The following CNTN5 variants were observed in gnomAD, a reference collection of about 807,000 sequenced individuals.
CNTN5 encodes contactin 5, also known as contactin-5.
In CNTN5, 77 loss-of-function variants were observed where a neutral mutation model predicts 129.1. That is an observed-to-expected ratio of 0.60 (90% CI 0.50 to 0.72). The LOEUF is 0.72. CNTN5 is among the 30% of genes least tolerant of loss of function. CNTN5 has a pLI of 0.00. For synonymous variants in CNTN5, 509 were observed against 465.6 expected (o/e 1.09, Z -1.20); for missense variants, 1,478 against 1,328.8 (o/e 1.11, Z -1.75).
intron 1 of CNTN5, among the ~76,000 whole-genome samples, chr11:99,123,654 G>GT (rs35040329): frequency 0.056 from 7,938 of 141,090 alleles, 379 homozygotes; most frequent in African/African-American, 0.13. Context: ...ATCTTCCAGG[G>GT]TTTTTTTTTT....
At chr11:99,227,924 T>C (rs192078387) in intron 1 of CNTN5, among the ~76,000 whole-genome samples, 26 of 152,318 alleles carry the variant, frequency 1.7e-4, no homozygotes, top group Admixed American at 1.0e-3. Flanking sequence ...ATACGCACTA[T>C]TGAAATTTTA....
chr11:99,393,194 T>C (rs1354482358), intron 2 of CNTN5, among the ~76,000 whole-genome samples: 2 of 151,742 alleles, frequency 1.3e-5, no homozygotes, highest in African/African-American at 2.4e-5. Flanking sequence ...GTGTACTCAG[T>C]AGTTAAAGAA....
chr11:100,044,457 A>C (rs551366850), intron 9 of CNTN5, among the ~76,000 whole-genome samples: 1 of 151,746 alleles, frequency 6.6e-6, no homozygotes, highest in African/African-American at 2.4e-5. Context: ...CCAACTGTGT[A>C]TAAGCATTCC....
At chr11:99,177,881 C>A (rs544588798) in intron 1 of CNTN5, among the ~76,000 whole-genome samples, 1 of 152,042 alleles carries the variant, frequency 6.6e-6, no homozygotes, top group South Asian at 2.1e-4. Context: ...AGCACAAAGT[C>A]AAAGAAATTC....
At chr11:99,129,238 A>G (rs1464410934) in intron 1 of CNTN5, among the ~76,000 whole-genome samples, 1 of 152,156 alleles carries the variant, frequency 6.6e-6, no homozygotes, top group African/African-American at 2.4e-5. Flanking sequence ...AACTAGAATA[A>G]CCAGTTTAGA....
intron 2 of CNTN5, among the ~76,000 whole-genome samples, chr11:99,514,808 T>C (rs1407108306): frequency 6.6e-6 from 1 of 152,104 alleles, no homozygotes; most frequent in Non-Finnish European, 1.5e-5. Flanking sequence ...TTTGCTTTAT[T>C]GCAGTAGTCA....
chr11:100,115,837 T>C (rs1945824339), intron 13 of CNTN5, among the ~76,000 whole-genome samples: 1 of 152,198 alleles, frequency 6.6e-6, no homozygotes, highest in African/African-American at 2.4e-5. Flanking sequence ...ATTTTGGGTT[T>C]TGAAACTCAG....
intron 2 of CNTN5, among the ~76,000 whole-genome samples, chr11:99,417,270 AAC>A (rs1447102719): frequency 1.3e-5 from 2 of 152,160 alleles, no homozygotes; most frequent in East Asian, 3.8e-4. Context: ...ATGTAGATTA[AAC>A]ACACTCATTG....
intron 3 of CNTN5, among the ~76,000 whole-genome samples, chr11:99,686,597 C>T (rs1226468678): frequency 6.6e-6 from 1 of 152,022 alleles, no homozygotes; most frequent in East Asian, 1.9e-4. Context: ...GAACTTTTAT[C>T]TCTCACATAT....
At chr11:100,270,984 A>G (rs994719448) in intron 17 of CNTN5, 108 bp from the exon 18 acceptor site, 8 of 862,218 alleles carry the variant, frequency 9.3e-6, no homozygotes, top group Non-Finnish European at 8.9e-6. Flanking sequence ...GTCGTGAGGA[A>G]ATATGCATTA....
intron 7 of CNTN5, among the ~76,000 whole-genome samples, chr11:99,931,622 C>T (rs1483188530): frequency 6.6e-6 from 1 of 152,208 alleles, no homozygotes; most frequent in African/African-American, 2.4e-5. Flanking sequence ...AGAAAGCAAG[C>T]AACTCACTCC....
intron 13 of CNTN5, among the ~76,000 whole-genome samples, chr11:100,154,497 C>T (rs1193817093): frequency 6.6e-6 from 1 of 152,064 alleles, no homozygotes; most frequent in African/African-American, 2.4e-5. Context: ...GTGCAGATGT[C>T]TTTATAGTAG....
intron 7 of CNTN5, among the ~76,000 whole-genome samples, chr11:99,954,504 A>G (rs1490558186): frequency 3.3e-5 from 5 of 152,198 alleles, no homozygotes; most frequent in Non-Finnish European, 7.3e-5. Context: ...TGCAGTTTGT[A>G]TGGAAGAAAG....
chr11:99,438,321 A>G (rs766761653), intron 2 of CNTN5, among the ~76,000 whole-genome samples: 4 of 152,110 alleles, frequency 2.6e-5, no homozygotes, highest in Non-Finnish European at 5.9e-5. Flanking sequence ...ATAAGGAACT[A>G]TTCGTCTTAT....
chr11:99,388,871 A>G (rs1052517328), intron 2 of CNTN5, among the ~76,000 whole-genome samples: 1 of 152,170 alleles, frequency 6.6e-6, no homozygotes, highest in African/African-American at 2.4e-5. Context: ...TACACAGTGC[A>G]TAATACCCAT....
At chr11:99,932,947 C>G (rs1950225699) in intron 7 of CNTN5, among the ~76,000 whole-genome samples, 1 of 152,150 alleles carries the variant, frequency 6.6e-6, no homozygotes, top group Non-Finnish European at 1.5e-5. Flanking sequence ...ATTTTTCCTA[C>G]TCGATGTAGG....
intron 13 of CNTN5, among the ~76,000 whole-genome samples, chr11:100,176,936 T>C (rs1443644457): frequency 6.6e-6 from 1 of 151,478 alleles, no homozygotes; most frequent in African/African-American, 2.4e-5. Flanking sequence ...TACAAGACAG[T>C]TCCGAGATCT....
chr11:100,347,688 G>C (rs1369578250), intron 23 of CNTN5, among the ~76,000 whole-genome samples: 1 of 152,014 alleles, frequency 6.6e-6, no homozygotes, highest in East Asian at 1.9e-4. Context: ...CACTGATACT[G>C]TGTCTCCCAA....
At chr11:99,769,817 A>AAAT (rs200912989) in intron 3 of CNTN5, among the ~76,000 whole-genome samples, 10 of 147,992 alleles carry the variant, frequency 6.8e-5, no homozygotes, top group African/African-American at 1.3e-4. Flanking sequence ...CCCCGTCTCA[A>AAAT]AAAAAAAAAA....
Sources: gnomAD v4.1 joint callset for allele counts (sites outside exome capture counted in the v4.1 genomes callset) on GRCh38, gnomAD v4.1.1 for gene constraint, MANE v1.5 for transcripts, NCBI Gene and HGNC (gene_info 2026-07-23, HGNC 2026-07-21) for gene names.